The following USH2A variants were observed in gnomAD, a reference collection of about 807,000 sequenced individuals.
USH2A encodes the protein Usher syndrome 2A (autosomal recessive, mild).
In USH2A, 443 loss-of-function variants were observed where a neutral mutation model predicts 538.9. The observed-to-expected ratio is 0.82, with a 90% CI of 0.76 to 0.89. USH2A has a LOEUF of 0.89. Among genes scored for constraint, USH2A ranks in the 40% least tolerant of loss-of-function variants. USH2A has a pLI of 0.00. For synonymous variants in USH2A, 2,413 were observed against 2,273.5 expected, an observed-to-expected ratio of 1.06 and a Z score of -1.75; for missense variants, 6,633 against 6,324.8, an observed-to-expected ratio of 1.05 and a Z score of -1.65.
intron 49 of USH2A, among the ~76,000 whole-genome samples, chr1:215,809,207 T>C (rs1186031149): frequency 6.6e-6 from 1 of 152,164 alleles, no homozygotes; most frequent in African/African-American, 2.4e-5. Flanking sequence ...TCAAAGAACA[T>C]AATGTCCCTC....
At chr1:216,047,753 T>A (rs2030585764) in intron 31 of USH2A, among the ~76,000 whole-genome samples, 1 of 152,084 alleles carries the variant, frequency 6.6e-6, no homozygotes, top group African/African-American at 2.4e-5. Context: ...AGCGTTTAAA[T>A]CTCCTAAAGA....
intron 21 of USH2A, chr1:216,173,916 A>T (rs2034320859): frequency 1.1e-6 from 1 of 939,874 alleles, no homozygotes; most frequent in South Asian, 4.9e-5. Context: ...TTATTCATGT[A>T]TTCCTTTTCC....
intron 62 of USH2A, among the ~76,000 whole-genome samples, chr1:215,679,777 A>G (rs1658163241): frequency 6.6e-6 from 1 of 152,198 alleles, no homozygotes; most frequent in Non-Finnish European, 1.5e-5. Context: ...GTAAGAACAC[A>G]GTCATTTAGA....
At chr1:216,411,607 T>C (rs1207571850) in intron 3 of USH2A, among the ~76,000 whole-genome samples, 1 of 152,146 alleles carries the variant, frequency 6.6e-6, no homozygotes, top group Non-Finnish European at 1.5e-5. Context: ...CTGTTTCTCA[T>C]GCAGTGGGTG....
At chr1:215,791,252 A>G (rs1661974183) in intron 50 of USH2A, among the ~76,000 whole-genome samples, 1 of 152,200 alleles carries the variant, frequency 6.6e-6, no homozygotes, top group Non-Finnish European at 1.5e-5. Context: ...CCAGTTATAT[A>G]GCAGCACAAT....
At chr1:216,131,253 G>T (rs769551106) in intron 21 of USH2A, among the ~76,000 whole-genome samples, 7 of 151,958 alleles carry the variant, frequency 4.6e-5, no homozygotes, top group Non-Finnish European at 7.4e-5. Flanking sequence ...ATCCCACTCT[G>T]TGGGTTTTCT....
At position 216,324,080 on chromosome 1, in the gene USH2A, A is replaced by C. The variant is rs1315545203; in HGVS notation, c.1328+88T>G. 6 of 1,393,582 alleles carry C rather than the reference A, an allele frequency of 4.3e-6. No homozygotes were observed. In the Admixed American group the frequency reaches 1.0e-4, roughly 24 times the overall value. The allele number at this position is 1,393,582 out of a possible 1,614,324, so 86.3% of individuals were successfully genotyped here. On this transcript the variant is annotated intron_variant, in intron 7 of 71. Coordinates refer to ENST00000307340, the MANE Select transcript of USH2A (RefSeq NM_206933.4). ...CTCAAGGAAGTTGGTGGTGAAGGGAAGTCTCCACCAGCCTAGAGAGCTAGC... is the reference window on the plus strand; with the variant it reads ...CTCAAGGAAGTTGGTGGTGAAGGGACGTCTCCACCAGCCTAGAGAGCTAGC...
At chr1:215,697,178 T>A (rs1658844727) in intron 61 of USH2A, among the ~76,000 whole-genome samples, 1 of 151,968 alleles carries the variant, frequency 6.6e-6, no homozygotes, top group Non-Finnish European at 1.5e-5. Context: ...AGGCTGGTCT[T>A]GAACTCCTAA....
At chr1:215,663,023 T>C (rs1657492145) in intron 64 of USH2A, among the ~76,000 whole-genome samples, 1 of 152,134 alleles carries the variant, frequency 6.6e-6, no homozygotes, top group Non-Finnish European at 1.5e-5. Flanking sequence ...ATTTTAGTCA[T>C]GGGTATGTGG....
At chr1:216,190,162 T>C in intron 20 of USH2A, 61 bp downstream of exon 20, 1 of 1,603,118 alleles carries the variant, frequency 6.2e-7, no homozygotes, top group Admixed American at 1.7e-5. Flanking sequence ...AGGTGTTGAA[T>C]ATTATAAGTT....
At chr1:216,131,214 T>C (rs2033369432) in intron 21 of USH2A, among the ~76,000 whole-genome samples, 1 of 152,070 alleles carries the variant, frequency 6.6e-6, no homozygotes, top group Admixed American at 6.6e-5. Flanking sequence ...TATTAGTCCT[T>C]TGTCAGATGG....
intron 49 of USH2A, 69 bp from the exon 50 acceptor site, chr1:215,799,194 T>A: frequency 1.4e-6 from 2 of 1,457,032 alleles, no homozygotes; most frequent in South Asian, 2.4e-5. Flanking sequence ...CAATTAACTT[T>A]TATCACAATC....
chr1:215,686,926 G>T (rs1658440976), intron 61 of USH2A, among the ~76,000 whole-genome samples: 1 of 152,080 alleles, frequency 6.6e-6, no homozygotes, highest in African/African-American at 2.4e-5. Flanking sequence ...GAGGCAGGAA[G>T]TATAATAACT....
At position 216,356,194 on chromosome 1, in the gene USH2A, A is replaced by T. The variant is rs137989062; in HGVS notation, c.784+8759T>A. The stretch of plus-strand genomic sequence containing the variant: ...AATAATTGTATGTACAATGAGTTAA[A>T]TGTCCAATGAACGCTTGTGTTTCCT... On this transcript the variant is annotated intron_variant, in intron 4 of 71. Coordinates refer to ENST00000307340, the MANE Select transcript of USH2A (RefSeq NM_206933.4). Among the ~76,000 whole-genome samples, 601 of 152,190 alleles carry T rather than the reference A, an allele frequency of 3.9e-3. 4 individuals are homozygous for T. The highest frequency in any genetic ancestry group is 0.014 in the African/African-American group (569 of 41,548).
At chr1:216,078,012 T>C in intron 27 of USH2A, 77 bp downstream of exon 27, 1 of 1,582,660 alleles carries the variant, frequency 6.3e-7, no homozygotes, top group South Asian at 1.1e-5. Flanking sequence ...TATTGCTATC[T>C]CTTGAAACAC....
rs1482392772 is a variant in USH2A at position 215,671,328 on chromosome 1, G to A, written c.13812-35C>T. On this transcript the variant is annotated intron_variant, in intron 63 of 71. Transcript: ENST00000307340. Reference sequence around the variant, plus strand: ...ATAAGGCAGAAATTAGTGATTTTCAGCAAAATAGATTTTCATGGGAAGAAT... The same window carrying A: ...ATAAGGCAGAAATTAGTGATTTTCAACAAAATAGATTTTCATGGGAAGAAT... The A allele has an allele frequency of 3.1e-6, 5 of 1,606,564 alleles. No homozygotes were observed. The African/African-American group carries it at 5.4e-5, about 17-fold the overall frequency.
Position 215,758,725 on chromosome 1 carries a change from A to G in USH2A, c.11259T>C (p.Thr3753=). The G allele has an allele frequency of 6.2e-7, 1 of 1,614,022 alleles. No homozygotes were observed. ...CATCACTAGCACTGCTGCCACCTCC[A>G]GTTTTGACTTCTAACTTGTAAGTGT... ...SRYTYKLEVK[T]GGGSSASDDY... Residue 3753 remains threonine, a synonymous_variant, in exon 58 of 72, where the codon ACT becomes ACC. Coordinates refer to ENST00000307340, the MANE Select transcript of USH2A (RefSeq NM_206933.4).
At chr1:215,726,372 A>G (rs1231259887) in intron 61 of USH2A, among the ~76,000 whole-genome samples, 2 of 152,216 alleles carry the variant, frequency 1.3e-5, no homozygotes, top group African/African-American at 4.8e-5. Context: ...TAATTCTGAA[A>G]CAGATAAAAA....
intron 4 of USH2A, among the ~76,000 whole-genome samples, chr1:216,348,391 G>A (rs1267259763): frequency 1.3e-5 from 2 of 152,076 alleles, no homozygotes; most frequent in African/African-American, 4.8e-5. Context: ...CCTGTACAGG[G>A]TTCCTGACCT....
Sources: allele counts gnomAD v4.1 joint callset (sites outside exome capture counted in the v4.1 genomes callset), GRCh38; gene constraint gnomAD v4.1.1; transcripts MANE v1.5; gene names NCBI Gene and HGNC (gene_info 2026-07-23, HGNC 2026-07-21).